PRH1: variants seen among roughly 807,000 people sequenced by gnomAD.
The protein encoded by PRH1 is salivary acidic proline-rich phosphoprotein 1/2.
A neutral mutation model predicts 7.9 loss-of-function variants in PRH1; 7 were observed. The ratio of observed to expected loss-of-function variants is 0.89; its 90% CI spans 0.50 to 1.67. The LOEUF (loss-of-function observed/expected upper bound fraction) is 1.67, where lower values mean the gene tolerates loss of function less well. Among genes scored for constraint, PRH1 ranks in the 40% most tolerant of loss-of-function variants. The probability of loss-of-function intolerance (pLI) is 0.00; values close to 1 mark genes in which losing one functional copy is unlikely to be tolerated. For synonymous variants in PRH1, 45 were observed against 80.8 expected, an observed-to-expected ratio of 0.56 and a Z score of 2.38; for missense variants, 109 against 223.6, an observed-to-expected ratio of 0.49 and a Z score of 3.27.
intron 1 of PRH1, among the ~76,000 whole-genome samples, chr12:11,144,921 T>C (rs1018928173): frequency 2.0e-5 from 3 of 152,200 alleles, no homozygotes; most frequent in Non-Finnish European, 4.4e-5. Flanking sequence ...ACTCCTGCAG[T>C]TGGGGAAGTC....
chr12:10,903,626 G>T (rs1368061998), intron 2 of PRH1, among the ~76,000 whole-genome samples: 3 of 151,542 alleles, frequency 2.0e-5, no homozygotes, highest in Non-Finnish European at 2.9e-5. Flanking sequence ...ACAAGAAAAG[G>T]GTCCCCACTC....
intron 1 of PRH1, chr12:11,030,825 C>T: frequency 6.2e-7 from 1 of 1,614,200 alleles, no homozygotes; most frequent in South Asian, 1.1e-5. Context: ...AGGTACACTG[C>T]ACTCCTCAAT....
chr12:11,024,891 C>G (rs1375625679), intron 1 of PRH1, among the ~76,000 whole-genome samples: 1 of 152,184 alleles, frequency 6.6e-6, no homozygotes. Flanking sequence ...ATTCCTGTTA[C>G]CTTTATCTCC....
intron 1 of PRH1, among the ~76,000 whole-genome samples, chr12:11,006,665 G>T (rs1019891515): frequency 3.3e-5 from 5 of 152,042 alleles, no homozygotes; most frequent in African/African-American, 1.2e-4. Flanking sequence ...GAAAAATGCA[G>T]GCCTAATAAC....
intron 1 of PRH1, among the ~76,000 whole-genome samples, chr12:11,045,042 T>C (rs1035103866): frequency 6.6e-6 from 1 of 152,150 alleles, no homozygotes; most frequent in Non-Finnish European, 1.5e-5. Context: ...ATAGCCATGA[T>C]TTGGAAGCAA....
intron 2 of PRH1, among the ~76,000 whole-genome samples, chr12:10,934,621 A>G (rs201936422): frequency 8.5e-5 from 7 of 82,496 alleles, no homozygotes; most frequent in Admixed American, 8.3e-4. Context: ...TTCTTCCTTT[A>G]AAAAAAAAAC....
chr12:11,133,028 T>TTC (rs200678880), intron 1 of PRH1: 2,241 of 285,904 alleles, frequency 7.8e-3, no homozygotes, highest in Admixed American at 0.02. Flanking sequence ...GGCTTCATAA[T>TTC]TGAGGAATTT....
chr12:11,103,509 G>T (rs1011959839), intron 1 of PRH1, among the ~76,000 whole-genome samples: 1 of 150,112 alleles, frequency 6.7e-6, no homozygotes, highest in Admixed American at 6.6e-5. Context: ...TGGATACAGG[G>T]TGGGGAACAT....
intron 1 of PRH1, among the ~76,000 whole-genome samples, chr12:11,143,680 T>C (rs1224285295): frequency 6.6e-6 from 1 of 152,028 alleles, no homozygotes; most frequent in Non-Finnish European, 1.5e-5. Flanking sequence ...AAAAGAGGAA[T>C]AGCTATACTA....
rs550282835 is a variant in PRH1, at chr12:11,047,136, G to A, written c.-242C>T. ...AAGAACTTCCAATGTTTAAAAAGCTGGCGCCTTCTTGTCACATGTGCCCTT... is the reference window on the plus strand; with the variant it reads ...AAGAACTTCCAATGTTTAAAAAGCTAGCGCCTTCTTGTCACATGTGCCCTT... On this transcript the variant is annotated 5_prime_UTR_variant, in exon 1 of 4. Coordinates refer to the PRH1 transcript ENST00000539853. 2.3e-4 allele frequency: 103 copies of A among 439,156 alleles called. 2 individuals carry two copies. The highest frequency in any genetic ancestry group is 1.6e-3 in the South Asian group (99 of 61,738). 27.2% of individuals were successfully genotyped at this position (439,156 alleles called of 1,614,324 possible). A position where few individuals can be genotyped will look rare whatever the true frequency, so the allele number is the denominator to read the frequency against.
chr12:11,043,905 T>C (rs975896053), intron 1 of PRH1, among the ~76,000 whole-genome samples: 2 of 152,064 alleles, frequency 1.3e-5, no homozygotes, highest in Non-Finnish European at 2.9e-5. Context: ...CCTATCAAAA[T>C]ACTAAAAACA....
chr12:11,026,577 A>G (rs906959353), intron 1 of PRH1, among the ~76,000 whole-genome samples: 14 of 152,060 alleles, frequency 9.2e-5, no homozygotes, highest in Admixed American at 7.9e-4. Context: ...TAATAACCGC[A>G]TTCCCTAAGG....
chr12:10,907,453 C>T (rs1002116116), intron 2 of PRH1, among the ~76,000 whole-genome samples: 1 of 152,004 alleles, frequency 6.6e-6, no homozygotes, highest in African/African-American at 2.4e-5. Flanking sequence ...AGAAGAACTT[C>T]AAAAACATTA....
At chr12:11,037,314 T>A (rs2597978) in intron 1 of PRH1, among the ~76,000 whole-genome samples, 151,655 of 152,364 alleles carry the variant, frequency 1, 75,477 homozygotes, top group Non-Finnish European at 1. Flanking sequence ...CAGTCAAAGT[T>A]GAATTATATA....
At chr12:11,151,182 G>C (rs1477535033) in intron 1 of PRH1, among the ~76,000 whole-genome samples, 1 of 152,030 alleles carries the variant, frequency 6.6e-6, no homozygotes, top group Non-Finnish European at 1.5e-5. Context: ...AGCAGCTGAA[G>C]TGTGAGAACC....
At chr12:10,950,358 CA>C (rs1950551709) in intron 2 of PRH1, among the ~76,000 whole-genome samples, 1 of 152,070 alleles carries the variant, frequency 6.6e-6, no homozygotes, top group South Asian at 2.1e-4. Flanking sequence ...GTCAGTGCCT[CA>C]TGCCCTTTTC....
chr12:11,093,362 A>G (rs542465219), intron 1 of PRH1, among the ~76,000 whole-genome samples: 2 of 116,000 alleles, frequency 1.7e-5, no homozygotes, highest in African/African-American at 5.8e-5. Flanking sequence ...GTATAACTTC[A>G]TTATTCACAA....
intron 1 of PRH1, chr12:11,077,823 CA>C: frequency 1.9e-6 from 2 of 1,067,482 alleles, no homozygotes; most frequent in Non-Finnish European, 1.4e-6. Context: ...GATTACAAAT[CA>C]AAAATACCAA....
At position 10,931,196 on chromosome 12, in the gene PRH1, C is replaced by T. The variant is rs1423245976; in HGVS notation, c.-59+42459G>A. 3 of 1,530,666 alleles carry T rather than the reference C, an allele frequency of 2.0e-6. No homozygotes were observed. The African/African-American group carries it at 4.2e-5, about 21-fold the overall frequency. 94.8% of individuals were successfully genotyped at this position (1,530,666 alleles called of 1,614,324 possible). On this transcript the variant is annotated intron_variant, in intron 2 of 3. Transcript: ENST00000539853. ...TATTTCCGTGTCCTGGAACACATTT[C>T]TCATGAGTTTTGTTCAAATATTCTG...
Sources: gnomAD v4.1 joint callset for allele counts (sites outside exome capture counted in the v4.1 genomes callset) on GRCh38, gnomAD v4.1.1 for gene constraint, MANE v1.5 for transcripts, NCBI Gene and HGNC (gene_info 2026-07-23, HGNC 2026-07-21) for gene names.